Variants in SRRM4 observed in about 807,000 individuals in gnomAD.
The protein encoded by SRRM4 is serine/arginine repetitive matrix 4.
In SRRM4, 33 loss-of-function variants were observed where a neutral mutation model predicts 68.9. The observed-to-expected ratio is 0.48, with a 90% CI of 0.36 to 0.64. The LOEUF (loss-of-function observed/expected upper bound fraction) is 0.64, where lower values mean the gene tolerates loss of function less well. Among genes scored for constraint, SRRM4 ranks in the 30% least tolerant of loss-of-function variants. The pLI, the probability that SRRM4 is intolerant of heterozygous loss-of-function variation, is 0.00. For missense variants in SRRM4, 817 were observed against 827.1 expected, an observed-to-expected ratio of 0.99 and a Z score of 0.15; for synonymous variants, 318 against 318.8, an observed-to-expected ratio of 1.00 and a Z score of 0.03.
chr12:119,083,468 G>A (rs1433491523), intron 1 of SRRM4, among the ~76,000 whole-genome samples: 3 of 151,976 alleles, frequency 2.0e-5, no homozygotes, highest in Non-Finnish European at 1.5e-5. Flanking sequence ...CAGCTCCCTG[G>A]TGCTTAGGTG....
intron 9 of SRRM4, among the ~76,000 whole-genome samples, chr12:119,147,514 A>T (rs1954411574): frequency 6.6e-6 from 1 of 152,234 alleles, no homozygotes; most frequent in Non-Finnish European, 1.5e-5. Context: ...CAAATGGACC[A>T]CGTTGGTGGA....
intron 1 of SRRM4, among the ~76,000 whole-genome samples, chr12:119,014,170 A>T (rs1275462913): frequency 1.3e-5 from 2 of 152,020 alleles, no homozygotes; most frequent in African/African-American, 4.8e-5. Context: ...TTACCTTTTC[A>T]TGTCTTTCAT....
chr12:119,116,473 C>T (rs141796428), intron 3 of SRRM4, among the ~76,000 whole-genome samples: 105 of 152,304 alleles, frequency 6.9e-4, no homozygotes, highest in African/African-American at 2.5e-3. Flanking sequence ...GAACAGCAGA[C>T]AGAAGGAAGC....
At chr12:119,109,752 G>A (rs945444305) in intron 2 of SRRM4, among the ~76,000 whole-genome samples, 6 of 151,780 alleles carry the variant, frequency 4.0e-5, no homozygotes, top group East Asian at 3.9e-4. Flanking sequence ...GCTTCTTTGC[G>A]ATGGGTTCAA....
chr12:119,027,548 T>C (rs1176135609), intron 1 of SRRM4, among the ~76,000 whole-genome samples: 1 of 151,944 alleles, frequency 6.6e-6, no homozygotes, highest in East Asian at 1.9e-4. Context: ...CTTTGCTGTA[T>C]ACCCTGCATG....
intron 2 of SRRM4, among the ~76,000 whole-genome samples, chr12:119,105,066 G>A (rs542760787): frequency 1.4e-3 from 200 of 147,626 alleles, no homozygotes; most frequent in African/African-American, 4.5e-3. Flanking sequence ...GAGAACATGC[G>A]GTGTTTGGTT....
intron 3 of SRRM4, among the ~76,000 whole-genome samples, chr12:119,116,325 G>A (rs1954179469): frequency 6.6e-6 from 1 of 152,188 alleles, no homozygotes; most frequent in Non-Finnish European, 1.5e-5. Flanking sequence ...TGTTGCTCAG[G>A]TAACACTTTG....
In SRRM4 at chr12:119,095,228, A is replaced by G. The variant is rs562775830; in HGVS notation, c.132-7008A>G. On this transcript the variant is annotated intron_variant, in intron 1 of 12. Coordinates refer to ENST00000267260, the MANE Select transcript of SRRM4 (RefSeq NM_194286.4). ...CTGAGGTCCCAGGAGCCAAGGCACAAATTGGCCAACTTCATCTTGTCTCTG... is the reference window on the plus strand; with the variant it reads ...CTGAGGTCCCAGGAGCCAAGGCACAGATTGGCCAACTTCATCTTGTCTCTG... Among the ~76,000 whole-genome samples, 3 of 152,330 alleles carry G rather than the reference A, an allele frequency of 2.0e-5. No individual in the cohort carries two copies. In the East Asian group the frequency reaches 5.8e-4, roughly 29 times the overall value.
At chr12:119,131,210 G>A (rs1033297638) in intron 8 of SRRM4, among the ~76,000 whole-genome samples, 11 of 152,178 alleles carry the variant, frequency 7.2e-5, no homozygotes, top group Admixed American at 2.0e-4. Context: ...CATAACAGAG[G>A]CACTCCAGCT....
At chr12:119,080,712 T>C (rs1390916550) in intron 1 of SRRM4, among the ~76,000 whole-genome samples, 1 of 152,122 alleles carries the variant, frequency 6.6e-6, no homozygotes, top group Admixed American at 6.5e-5. Flanking sequence ...CTGGGAGCAA[T>C]TACCATTGCA....
chr12:119,150,559 G>T (rs1343284496), intron 9 of SRRM4, among the ~76,000 whole-genome samples: 1 of 152,174 alleles, frequency 6.6e-6, no homozygotes, highest in East Asian at 1.9e-4. Context: ...CCTAACCAAG[G>T]CTGAGTCTGA....
At chr12:119,100,508 C>T (rs891640246) in intron 1 of SRRM4, among the ~76,000 whole-genome samples, 1 of 151,826 alleles carries the variant, frequency 6.6e-6, no homozygotes, top group South Asian at 2.1e-4. Flanking sequence ...AAATGTGTTA[C>T]CATTCAACAA....
chr12:119,018,417 A>G (rs1953494836), intron 1 of SRRM4, among the ~76,000 whole-genome samples: 2 of 152,152 alleles, frequency 1.3e-5, no homozygotes, highest in Admixed American at 6.5e-5. Flanking sequence ...CTTGGTTCCA[A>G]CTGACTTCAG....
chr12:119,154,039 GC>G lies in SRRM4; in HGVS notation c.1392-199del, dbSNP rs61054780. On this transcript the variant is annotated intron_variant, in intron 11 of 12. Transcript: ENST00000267260. This position sits in a 1 kb window ranked among gnomAD's most constrained non-coding sequence, Gnocchi z 4.7. ...ATGCTGACACCCCTGCACAAGCCCA[GC>G]CCCCACCCCTACGGTACTAACAACC... Among the ~76,000 whole-genome samples, 12,266 of 151,820 alleles carry G rather than the reference GC, an allele frequency of 0.081. 644 individuals are homozygous for G. Among genetic ancestry groups the G allele is most frequent in the East Asian group, 0.22 (1,113 of 5,104 alleles).
chr12:119,000,850 A>T (rs1047276814), intron 1 of SRRM4: 1 of 152,094 alleles, frequency 6.6e-6, no homozygotes, highest in Admixed American at 6.6e-5. Flanking sequence ...GCAGGTAAGG[A>T]TTTTCTTTCA....
chr12:119,136,941 A>G (rs1024629524), intron 8 of SRRM4, among the ~76,000 whole-genome samples: 3 of 152,106 alleles, frequency 2.0e-5, no homozygotes, highest in African/African-American at 7.2e-5. Context: ...TCTTCCCACA[A>G]TGCCCGGCAC....
intron 1 of SRRM4, 21 bp downstream of exon 1, chr12:118,982,034 A>G: frequency 6.3e-7 from 1 of 1,597,866 alleles, no homozygotes; most frequent in African/African-American, 1.3e-5. Context: ...CCTTCTTAGA[A>G]GGGGGGATCC....
intron 2 of SRRM4, among the ~76,000 whole-genome samples, chr12:119,105,127 T>C (rs1249023668): frequency 1.3e-5 from 2 of 151,986 alleles, no homozygotes; most frequent in East Asian, 1.9e-4. Flanking sequence ...GCTTCATCCA[T>C]GTCCTTACAA....
chr12:119,096,096 C>T (rs1040491393), intron 1 of SRRM4, among the ~76,000 whole-genome samples: 1 of 151,590 alleles, frequency 6.6e-6, no homozygotes, highest in Non-Finnish European at 1.5e-5. Context: ...TCTCAGCTCA[C>T]TGCAAGCTCT....
Sources: allele counts gnomAD v4.1 joint callset (sites outside exome capture counted in the v4.1 genomes callset), GRCh38; gene constraint gnomAD v4.1.1; non-coding constraint Gnocchi (gnomAD v3.1); transcripts MANE v1.5; gene names NCBI Gene and HGNC (gene_info 2026-07-23, HGNC 2026-07-21).